Variants in CYFIP2 observed in about 807,000 individuals in gnomAD.
CYFIP2 encodes cytoplasmic FMR1 interacting protein 2.
A neutral mutation model predicts 158.7 loss-of-function variants in CYFIP2; 29 were observed. The observed-to-expected ratio is 0.18, with a 90% CI of 0.14 to 0.25. The LOEUF is 0.25. CYFIP2 is among the 10% of genes least tolerant of loss of function. CYFIP2 has a pLI of 1.00. For missense variants in CYFIP2, 852 were observed against 1,639.5 expected (o/e 0.52, Z 8.29); for synonymous variants, 585 against 617.6 (o/e 0.95, Z 0.78).
At chr5:157,305,936 A>G (rs776609378) in intron 8 of CYFIP2, among the ~76,000 whole-genome samples, 1 of 152,180 alleles carries the variant, frequency 6.6e-6, no homozygotes, top group Non-Finnish European at 1.5e-5. Context: ...TTATTTGGCT[A>G]TGTTATGCTG....
At chr5:157,371,744 CAG>C (rs977545944) in intron 26 of CYFIP2, among the ~76,000 whole-genome samples, 12 of 152,142 alleles carry the variant, frequency 7.9e-5, no homozygotes, top group Non-Finnish European at 1.5e-4. Flanking sequence ...TAAATTAAGA[CAG>C]AAAGTAATGC....
In CYFIP2 at chr5:157,333,463, G is replaced by A. The variant is rs150043544; in HGVS notation, c.2385+17G>A. On this transcript the variant is annotated intron_variant, in intron 21 of 30. Transcript: ENST00000620254. ...TCCATTGTGGTAAGAGTCTGGGAGC[G>A]TGTGGGATTTCTGCTCTGTGATTTC... The A allele has an allele frequency of 0.017, 27,596 of 1,613,874 alleles. 345 individuals are homozygous for A. Among genetic ancestry groups the A allele is most frequent in the South Asian group, 0.043 (3,912 of 91,078 alleles).
rs1418401907 is a variant in CYFIP2 at position 157,311,866 on chromosome 5, C to T, written c.1110+85C>T. 37 of 1,262,542 alleles carry T rather than the reference C, an allele frequency of 2.9e-5. No homozygotes were observed. Among genetic ancestry groups the T allele is most frequent in the Middle Eastern group, 1.9e-4 (1 of 5,312 alleles). 78.2% of individuals were successfully genotyped at this position (1,262,542 alleles called of 1,614,324 possible). On this transcript the variant is annotated intron_variant, in intron 11 of 30. Coordinates refer to ENST00000620254, the MANE Select transcript of CYFIP2 (RefSeq NM_001037333.3). The surrounding 1 kb of genome is among the most constrained non-coding windows in gnomAD (Gnocchi z 4.7). ...GCAGCCAGGAAAGAACATGGACCCA[C>T]GGAACACTGGAGAGTAGAAGGGAGG...
chr5:157,355,377 G>A (rs1763345521), intron 23 of CYFIP2, among the ~76,000 whole-genome samples: 1 of 152,132 alleles, frequency 6.6e-6, no homozygotes, highest in African/African-American at 2.4e-5. Context: ...TAATATTAAT[G>A]GCTATTTTTT....
At chr5:157,371,399 CAG>C (rs1413460335) in intron 26 of CYFIP2, among the ~76,000 whole-genome samples, 5 of 152,090 alleles carry the variant, frequency 3.3e-5, no homozygotes, top group African/African-American at 1.2e-4. Flanking sequence ...CCTCAAAAAT[CAG>C]AGTTAAAGGT....
intron 2 of CYFIP2, 83 bp downstream of exon 2, chr5:157,285,561 G>A: frequency 8.1e-7 from 1 of 1,237,516 alleles, no homozygotes; most frequent in Non-Finnish European, 1.1e-6. Context: ...CAGAGGGAAG[G>A]GGAGGTCTGC....
At chr5:157,277,764 G>A (rs1454899106) in intron 1 of CYFIP2, among the ~76,000 whole-genome samples, 1 of 152,128 alleles carries the variant, frequency 6.6e-6, no homozygotes, top group Non-Finnish European at 1.5e-5. Context: ...TTACCAATTA[G>A]CAATGTCTGT....
intron 23 of CYFIP2, chr5:157,343,425 T>C: frequency 6.2e-7 from 1 of 1,614,070 alleles, no homozygotes; most frequent in Non-Finnish European, 8.5e-7. Flanking sequence ...GAGAAGATGC[T>C]GTTCCAGTTG....
chr5:157,285,542 GC>G, intron 2 of CYFIP2, 64 bp downstream of exon 2: 2 of 1,436,470 alleles, frequency 1.4e-6, no homozygotes, highest in Non-Finnish European at 1.9e-6. Flanking sequence ...AAGAGAGTTT[GC>G]CCTAAGGCAG....
chr5:157,294,788 G>C lies in CYFIP2; in HGVS notation c.213G>C (p.Glu71Asp). The C allele has an allele frequency of 2.5e-6, 4 of 1,613,690 alleles. No individual in the cohort carries two copies. The highest frequency in any genetic ancestry group is 3.4e-6 in the Non-Finnish European group (4 of 1,179,670). The change falls in exon 4 of 31, where the codon GAG (glutamate) becomes GAC (aspartate). Residue 71 changes from glutamate to aspartate, a missense_variant. By Grantham distance (45) the Glu-to-Asp change is conservative (BLOSUM62 2). Around this residue, in one of 8 missense-constraint regions of CYFIP2, gnomAD observed 123 missense variants for 316.7 expected, o/e 0.39. Coordinates refer to ENST00000620254, the MANE Select transcript of CYFIP2 (RefSeq NM_001037333.3). ...AGGCTGTTTTACCATTTCAGAATGA[G>C]ATGCTGGAGGAAGGACATGAGTATG... ...EQATVHSSMN[E>D]MLEEGHEYAV... is the part of the protein sequence containing the mutation.
intron 15 of CYFIP2, chr5:157,322,958 C>T (rs1193169001): frequency 9.8e-6 from 15 of 1,535,880 alleles, no homozygotes; most frequent in South Asian, 3.6e-5. Flanking sequence ...CAGTGGTCCC[C>T]GAGGGCTTTG....
chr5:157,382,394 C>G (rs772421656), intron 26 of CYFIP2, among the ~76,000 whole-genome samples, 196 bp from the exon 27 acceptor site: 2 of 152,198 alleles, frequency 1.3e-5, no homozygotes, highest in Non-Finnish European at 2.9e-5. Flanking sequence ...AAAATAGGTA[C>G]TGTTCTCATC....
At chr5:157,376,900 C>T (rs762100646) in intron 26 of CYFIP2, 13 of 456,306 alleles carry the variant, frequency 2.8e-5, no homozygotes, top group South Asian at 1.4e-4. Flanking sequence ...TGTCCACACA[C>T]ATCAGAAATT....
intron 1 of CYFIP2, among the ~76,000 whole-genome samples, chr5:157,276,163 G>A (rs1287107542): frequency 6.6e-6 from 1 of 151,944 alleles, no homozygotes; most frequent in African/African-American, 2.4e-5. Context: ...AATTACCTTG[G>A]CTAGAACTGC....
chr5:157,343,403 C>G (rs764749971), intron 23 of CYFIP2: 1 of 1,614,078 alleles, frequency 6.2e-7, no homozygotes, highest in Admixed American at 1.7e-5. Context: ...GAAGCTGTAG[C>G]GAAGATAGCC....
chr5:157,284,990 C>T (rs1360616118), intron 1 of CYFIP2, among the ~76,000 whole-genome samples: 1 of 152,144 alleles, frequency 6.6e-6, no homozygotes, highest in Non-Finnish European at 1.5e-5. Context: ...TCTCACATCC[C>T]ACTTGAGGTC....
At chr5:157,281,671 A>G (rs1298607295) in intron 1 of CYFIP2, among the ~76,000 whole-genome samples, 1 of 152,052 alleles carries the variant, frequency 6.6e-6, no homozygotes, top group African/African-American at 2.4e-5. Context: ...CATTTGTTTC[A>G]TTTTACTTTT....
intron 8 of CYFIP2, among the ~76,000 whole-genome samples, chr5:157,306,386 C>A (rs1581020703): frequency 6.6e-6 from 1 of 152,312 alleles, no homozygotes; most frequent in East Asian, 1.9e-4. Context: ...TACCTACCAG[C>A]CCACCAAGTA....
At chr5:157,274,175 A>G (rs1421770736) in intron 1 of CYFIP2, among the ~76,000 whole-genome samples, 1 of 151,228 alleles carries the variant, frequency 6.6e-6, no homozygotes, top group Admixed American at 6.6e-5. Flanking sequence ...TAATATATTC[A>G]CAGAGTTGTA....
Sources: gnomAD v4.1 joint callset for allele counts (sites outside exome capture counted in the v4.1 genomes callset) on GRCh38, gnomAD v4.1.1 for gene constraint, gnomAD v4.1.1 regional missense constraint, Gnocchi (gnomAD v3.1) non-coding constraint, MANE v1.5 for transcripts, NCBI Gene and HGNC (gene_info 2026-07-23, HGNC 2026-07-21) for gene names.